The following XKR4 variants were observed in gnomAD, a reference collection of about 807,000 sequenced individuals.
XKR4 encodes the protein XK related 4.
In XKR4, 12 loss-of-function variants were observed where a neutral mutation model predicts 53.9. That is an observed-to-expected ratio of 0.22 (90% confidence interval 0.14 to 0.36). The LOEUF (loss-of-function observed/expected upper bound fraction) is 0.36, where lower values mean the gene tolerates loss of function less well. XKR4 is among the 10% of genes least tolerant of loss of function. XKR4 has a pLI of 1.00. For missense variants in XKR4, 799 were observed against 859.5 expected (o/e 0.93, Z 0.88); for synonymous variants, 354 against 362.4 (o/e 0.98, Z 0.26).
At chr8:55,385,542 A>G (rs1804296430) in intron 2 of XKR4, among the ~76,000 whole-genome samples, 1 of 152,236 alleles carries the variant, frequency 6.6e-6, no homozygotes, top group African/African-American at 2.4e-5. Flanking sequence ...TACCTAGCCC[A>G]TAAGTATTCA....
intron 1 of XKR4, among the ~76,000 whole-genome samples, chr8:55,206,052 G>A (rs763488430): frequency 6.6e-5 from 10 of 152,172 alleles, no homozygotes; most frequent in Non-Finnish European, 1.0e-4. Flanking sequence ...CGGTGGGTTC[G>A]TAGTCTCTCT....
At chr8:55,327,398 C>A (rs1171736194) in intron 1 of XKR4, among the ~76,000 whole-genome samples, 1 of 151,660 alleles carries the variant, frequency 6.6e-6, no homozygotes, top group Non-Finnish European at 1.5e-5. Flanking sequence ...TTTATGCTAT[C>A]CCCAAATCAA....
intron 1 of XKR4, among the ~76,000 whole-genome samples, chr8:55,325,974 G>T (rs552260152): frequency 6.6e-6 from 1 of 152,194 alleles, no homozygotes; most frequent in African/African-American, 2.4e-5. Flanking sequence ...GCATAAATGT[G>T]CCAGGGTTTA....
intron 1 of XKR4, among the ~76,000 whole-genome samples, chr8:55,106,307 T>A (rs1209544107): frequency 1.3e-5 from 2 of 152,202 alleles, no homozygotes; most frequent in African/African-American, 4.8e-5. Flanking sequence ...TATACATATG[T>A]TACAATGCAA....
chr8:55,329,697 G>T (rs1327760032), intron 1 of XKR4, among the ~76,000 whole-genome samples: 1 of 152,118 alleles, frequency 6.6e-6, no homozygotes, highest in African/African-American at 2.4e-5. Context: ...ATGTATTGAG[G>T]TTTCCAAGTT....
At chr8:55,140,674 G>T (rs1230749223) in intron 1 of XKR4, among the ~76,000 whole-genome samples, 1 of 152,192 alleles carries the variant, frequency 6.6e-6, no homozygotes, top group African/African-American at 2.4e-5. Context: ...CAGATGTCTG[G>T]AGTGTTGCTC....
chr8:55,437,899 C>T (rs1805198910), intron 2 of XKR4, among the ~76,000 whole-genome samples: 1 of 151,650 alleles, frequency 6.6e-6, no homozygotes, highest in African/African-American at 2.4e-5. Context: ...GGTGAGACCC[C>T]AGCTACACCC....
rs1007739574 is a variant in XKR4 at position 55,102,074 on chromosome 8, G to A, written c.-415G>A. On this transcript the variant is annotated 5_prime_UTR_variant, in exon 1 of 3. Transcript: ENST00000327381. This position sits in a 1 kb window ranked among gnomAD's most constrained non-coding sequence, Gnocchi z 5.1. ...TGGTGGAGGAGAGGAAGCGGGAGGA[G>A]GGAGCGCGCGCGAGGGGAGGAGAGG... 2.0e-5 allele frequency among the ~76,000 whole-genome samples: 3 copies of A among 151,998 alleles called. No homozygotes were observed. Among genetic ancestry groups the A allele is most frequent in the African/African-American group, 7.2e-5 (3 of 41,428 alleles).
intron 1 of XKR4, among the ~76,000 whole-genome samples, chr8:55,136,086 G>A (rs1037684144): frequency 1.3e-5 from 2 of 152,038 alleles, no homozygotes; most frequent in Non-Finnish European, 1.5e-5. Context: ...TAGAAACAGG[G>A]TTTCACCATG....
chr8:55,519,123 C>A (rs1239229732), intron 2 of XKR4, among the ~76,000 whole-genome samples: 1 of 152,170 alleles, frequency 6.6e-6, no homozygotes, highest in South Asian at 2.1e-4. Flanking sequence ...GATAACCTCT[C>A]AAAGTGAGAA....
chr8:55,192,336 C>G (rs1817454735), intron 1 of XKR4, among the ~76,000 whole-genome samples: 1 of 151,490 alleles, frequency 6.6e-6, no homozygotes, highest in South Asian at 2.1e-4. Context: ...TTTTCCCCCT[C>G]AAATATTAAA....
At chr8:55,230,737 GA>G (rs939814887) in intron 1 of XKR4, among the ~76,000 whole-genome samples, 14 of 152,250 alleles carry the variant, frequency 9.2e-5, no homozygotes, top group African/African-American at 3.4e-4. Context: ...GGAAATAATA[GA>G]ATAATAATAA....
chr8:55,324,562 G>C (rs1352316753), intron 1 of XKR4, among the ~76,000 whole-genome samples: 1 of 152,110 alleles, frequency 6.6e-6, no homozygotes, highest in Non-Finnish European at 1.5e-5. Flanking sequence ...ACGAAGTTTT[G>C]CTCAGTGCTC....
At chr8:55,356,670 C>A (rs1422545058) in intron 1 of XKR4, among the ~76,000 whole-genome samples, 2 of 151,938 alleles carry the variant, frequency 1.3e-5, no homozygotes, top group Non-Finnish European at 2.9e-5. Context: ...TAATGTGATG[C>A]CCGGGGTTTG....
chr8:55,174,489 G>A (rs1230855383), intron 1 of XKR4, among the ~76,000 whole-genome samples: 2 of 152,130 alleles, frequency 1.3e-5, no homozygotes, highest in African/African-American at 4.8e-5. Flanking sequence ...GCTTCACAAA[G>A]TGCTTGTCAT....
intron 2 of XKR4, among the ~76,000 whole-genome samples, chr8:55,476,882 C>T (rs1053268301): frequency 3.9e-4 from 59 of 152,236 alleles, no homozygotes; most frequent in African/African-American, 1.3e-3. Context: ...ATTAGGTAAA[C>T]AAAGCAGCCG....
At chr8:55,190,269 CTG>C (rs1180727814) in intron 1 of XKR4, among the ~76,000 whole-genome samples, 1 of 152,194 alleles carries the variant, frequency 6.6e-6, no homozygotes, top group East Asian at 1.9e-4. Flanking sequence ...GTAAAATTGT[CTG>C]TGCCTAACGA....
intron 1 of XKR4, among the ~76,000 whole-genome samples, chr8:55,346,685 A>ATGTGTGTG (rs10685965): frequency 0.19 from 26,707 of 138,170 alleles, 2,609 homozygotes; most frequent in African/African-American, 0.21. Context: ...TGTTGAGGTT[A>ATGTGTGTG]TGTGTGTGTG....
intron 1 of XKR4, among the ~76,000 whole-genome samples, chr8:55,123,794 A>G (rs999965814): frequency 1.1e-4 from 17 of 152,250 alleles, no homozygotes; most frequent in African/African-American, 4.1e-4. Flanking sequence ...TTGATTTATC[A>G]GTGTGCTGAT....
Sources: allele counts gnomAD v4.1 joint callset (sites outside exome capture counted in the v4.1 genomes callset), GRCh38; gene constraint gnomAD v4.1.1; non-coding constraint Gnocchi (gnomAD v3.1); transcripts MANE v1.5; gene names NCBI Gene and HGNC (gene_info 2026-07-23, HGNC 2026-07-21).